Variants in KLHL1 observed in about 807,000 individuals in gnomAD.
The protein encoded by KLHL1 is kelch like family member 1.
KLHL1 carries 47 observed loss-of-function variants against 77.7 expected under a neutral mutation model. The observed-to-expected ratio is 0.60, with a 90% CI of 0.48 to 0.77. The LOEUF (loss-of-function observed/expected upper bound fraction) is 0.77. Among genes scored for constraint, KLHL1 ranks in the 30% least tolerant of loss-of-function variants. The pLI, the probability that KLHL1 is intolerant of heterozygous loss-of-function variation, is 0.00. For missense variants in KLHL1, 925 were observed against 910.8 expected, an observed-to-expected ratio of 1.02 and a Z score of -0.20; for synonymous variants, 360 against 325.2, an observed-to-expected ratio of 1.11 and a Z score of -1.15.
At chr13:69,930,233 TAA>T (rs1258038137) in intron 4 of KLHL1, among the ~76,000 whole-genome samples, 1 of 151,866 alleles carries the variant, frequency 6.6e-6, no homozygotes, top group Admixed American at 6.6e-5. Context: ...TTTTATGATG[TAA>T]AAAATGTGAA....
chr13:70,020,669 G>A (rs554199208), intron 1 of KLHL1, among the ~76,000 whole-genome samples: 27 of 152,016 alleles, frequency 1.8e-4, no homozygotes, highest in African/African-American at 6.5e-4. Context: ...GGTACATAAA[G>A]GCAGTCATCA....
rs937064679 is a variant in KLHL1, at chr13:70,108,386, A to G, written c.-687T>C. ...CAGTTTGTAAAAGAGAAAAATAGAT[A>G]TTCTAGCGCATATAGGGAGGCAAAA... On this transcript the variant is annotated 5_prime_UTR_variant, in exon 1 of 11. Transcript: ENST00000377844. 6 of 176,638 alleles carry G rather than the reference A, an allele frequency of 3.4e-5. No homozygotes were observed. The highest frequency in any genetic ancestry group is 7.1e-5 in the Non-Finnish European group (6 of 85,058). The allele number at this position is 176,638 out of a possible 1,614,324, so 10.9% of individuals were successfully genotyped here.
intron 4 of KLHL1, among the ~76,000 whole-genome samples, chr13:69,921,735 A>G (rs1882644965): frequency 1.3e-5 from 2 of 152,136 alleles, no homozygotes; most frequent in African/African-American, 2.4e-5. Context: ...AGGCAGATCA[A>G]TAGCCTCTAG....
rs147676049 is a variant in KLHL1, at chr13:69,771,860, G to C, written c.1639+24878C>G. Among the ~76,000 whole-genome samples, 768 of 152,232 alleles carry C rather than the reference G, an allele frequency of 5.0e-3. 1 individual carries two copies. The highest frequency in any genetic ancestry group is 0.012 in the Admixed American group (186 of 15,288). On this transcript the variant is annotated intron_variant, in intron 7 of 10. Transcript: ENST00000377844. The stretch of plus-strand genomic sequence containing the variant: ...GAAGACATGCGAATCAAAATGTGGA[G>C]ACATGACTTCAAAATAGCAAATACC...
chr13:69,726,733 A>G (rs73522054), intron 8 of KLHL1, among the ~76,000 whole-genome samples: 24 of 152,178 alleles, frequency 1.6e-4, no homozygotes, highest in African/African-American at 5.8e-4. Context: ...CCAACCCAAA[A>G]CTGTCAGTTC....
intron 4 of KLHL1, among the ~76,000 whole-genome samples, chr13:69,922,078 A>G (rs1475353662): frequency 1.3e-5 from 2 of 151,902 alleles, no homozygotes; most frequent in African/African-American, 4.8e-5. Context: ...AAACGTGCAC[A>G]CGACAGTGCC....
At chr13:69,898,079 C>T (rs1393199437) in intron 4 of KLHL1, among the ~76,000 whole-genome samples, 3 of 152,154 alleles carry the variant, frequency 2.0e-5, no homozygotes, top group Admixed American at 2.0e-4. Flanking sequence ...TCAGCCTAGG[C>T]AAGGGTCTTC....
At position 70,107,689 on chromosome 13, in the gene KLHL1, G is replaced by A. The variant is rs144867124; in HGVS notation, c.11C>T (p.Ser4Phe). Residue 4 changes from serine (S) to phenylalanine (F), a missense_variant, in exon 1 of 11, where the codon TCT becomes TTT. Coordinates refer to ENST00000377844, the MANE Select transcript of KLHL1 (RefSeq NM_020866.3). ...CTTCACATCGAAGTCTTTTCGCCCA[G>A]AGCCTGACATGCTTTACGCACAGAA... Reference protein sequence around the residue: MSGSGRKDFDVKHI... With the variant: MSGFGRKDFDVKHI... 2.0e-6 allele frequency: 3 copies of A among 1,526,694 alleles called. No homozygotes were observed. Among genetic ancestry groups the A allele is most frequent in the Non-Finnish European group, 2.6e-6 (3 of 1,141,782 alleles). 94.6% of individuals were successfully genotyped at this position (1,526,694 alleles called of 1,614,324 possible). A position where few individuals can be genotyped will look rare whatever the true frequency, so the allele number is the denominator to read the frequency against.
chr13:69,855,317 T>C (rs1044430499), intron 5 of KLHL1, among the ~76,000 whole-genome samples: 5 of 134,872 alleles, frequency 3.7e-5, no homozygotes, highest in Admixed American at 1.5e-4. Context: ...GATAGATAGA[T>C]AGATAGATAG....
chr13:69,973,802 A>C (rs1877099851), intron 2 of KLHL1, among the ~76,000 whole-genome samples: 1 of 152,010 alleles, frequency 6.6e-6, no homozygotes, highest in South Asian at 2.1e-4. Flanking sequence ...TTGTAAAATA[A>C]TTAGTACTAA....
rs775109435 is a variant in KLHL1 at position 69,784,882 on chromosome 13, A to ATTT, written c.1639+11853_1639+11855dup. On this transcript the variant is annotated intron_variant, in intron 7 of 10. Coordinates refer to ENST00000377844, the MANE Select transcript of KLHL1 (RefSeq NM_020866.3). ...TCCACCCCAAATCAACAGAATATACATTTTTTTTTTTTTTTTTTTTTTTTT... is the reference window on the plus strand; with the variant it reads ...TCCACCCCAAATCAACAGAATATACATTTTTTTTTTTTTTTTTTTTTTTTTTTT... Among the ~76,000 whole-genome samples the ATTT allele has an allele frequency of 9.2e-3, 732 of 79,512 alleles. 52 individuals carry two copies. The highest frequency in any genetic ancestry group is 0.013 in the African/African-American group (246 of 19,662). 52.2% of individuals were successfully genotyped at this position (79,512 alleles called of 152,430 possible). A position where few individuals can be genotyped will look rare whatever the true frequency, so the allele number is the denominator to read the frequency against.
At chr13:70,091,068 GA>G (rs1887661556) in intron 1 of KLHL1, among the ~76,000 whole-genome samples, 1 of 151,844 alleles carries the variant, frequency 6.6e-6, no homozygotes, top group African/African-American at 2.4e-5. Context: ...CCGTGCTTAT[GA>G]CTCTCAACCT....
intron 3 of KLHL1, among the ~76,000 whole-genome samples, chr13:69,953,842 T>A (rs1225014864): frequency 6.6e-6 from 1 of 151,248 alleles, no homozygotes; most frequent in African/African-American, 2.4e-5. Context: ...TTTATTCTTA[T>A]GAAGGATTGT....
intron 5 of KLHL1, among the ~76,000 whole-genome samples, chr13:69,863,388 A>AAAAT (rs72302649): frequency 9.6e-6 from 1 of 104,030 alleles, no homozygotes; most frequent in East Asian, 2.5e-4. Flanking sequence ...GAATTAAAAC[A>AAAAT]AAATATTAAG....
intron 5 of KLHL1, among the ~76,000 whole-genome samples, chr13:69,870,373 C>T (rs531856309): frequency 6.6e-6 from 1 of 152,098 alleles, no homozygotes; most frequent in Non-Finnish European, 1.5e-5. Flanking sequence ...CATGAGGGAT[C>T]TACCCCACGA....
At position 69,940,026 on chromosome 13, in the gene KLHL1, T is replaced by C; in HGVS notation, c.1014+14A>G. On this transcript the variant is annotated intron_variant, in intron 4 of 10. Coordinates refer to ENST00000377844, the MANE Select transcript of KLHL1 (RefSeq NM_020866.3). The stretch of plus-strand genomic sequence containing the variant: ...AGAGTGTGTCTCCATTATTAAAACA[T>C]TAAGTTTCCTTACCATTGTGTAGCT... 1 of 1,577,908 alleles carries C rather than the reference T, an allele frequency of 6.3e-7. No individual in the cohort carries two copies. The highest frequency in any genetic ancestry group is 2.3e-5 in the East Asian group (1 of 44,102).
Position 69,864,262 on chromosome 13 carries a change from T to C in KLHL1, c.1227+18021A>G, listed in dbSNP as rs1183184074. 3.9e-5 allele frequency among the ~76,000 whole-genome samples: 6 copies of C among 152,068 alleles called. No individual in the cohort carries two copies. The South Asian group carries it at 8.3e-4, about 21-fold the overall frequency. Reference sequence around the variant, plus strand: ...CTATGAAGAATAATAGTCTGTGCTATTAAAGCACTCATCTAAAAAATACAT... The same window carrying C: ...CTATGAAGAATAATAGTCTGTGCTACTAAAGCACTCATCTAAAAAATACAT... On this transcript the variant is annotated intron_variant, in intron 5 of 10. Transcript: ENST00000377844.
chr13:69,733,268 C>A (rs1253373823), intron 8 of KLHL1, among the ~76,000 whole-genome samples: 1 of 151,602 alleles, frequency 6.6e-6, no homozygotes, highest in Non-Finnish European at 1.5e-5. Flanking sequence ...CTCCCCCACT[C>A]CCCCAAAAAG....
At chr13:69,764,030 T>C (rs1019533543) in intron 7 of KLHL1, among the ~76,000 whole-genome samples, 8 of 152,178 alleles carry the variant, frequency 5.3e-5, no homozygotes, top group African/African-American at 1.9e-4. Flanking sequence ...CTTTCTATCA[T>C]AACAGAATGA....
Sources: allele counts gnomAD v4.1 joint callset (sites outside exome capture counted in the v4.1 genomes callset), GRCh38; gene constraint gnomAD v4.1.1; transcripts MANE v1.5; gene names NCBI Gene and HGNC (gene_info 2026-07-23, HGNC 2026-07-21).